Variants in KLHL1 observed in about 807,000 individuals in gnomAD.
The protein encoded by KLHL1 is kelch like family member 1, also known as kelch-like protein 1.
Under a neutral mutation model 77.7 loss-of-function variants are expected in KLHL1, and 47 were observed. The ratio of observed to expected loss-of-function variants is 0.60; its 90% confidence interval spans 0.48 to 0.77. KLHL1 has a LOEUF of 0.77. Ranked by LOEUF, KLHL1 falls within the 30% of genes least tolerant of loss-of-function variation. The pLI, the probability that KLHL1 is intolerant of heterozygous loss-of-function variation, is 0.00. For synonymous variants in KLHL1, 360 were observed against 325.2 expected, an observed-to-expected ratio of 1.11 and a Z score of -1.15; for missense variants, 925 against 910.8, an observed-to-expected ratio of 1.02 and a Z score of -0.20.
intron 1 of KLHL1, among the ~76,000 whole-genome samples, chr13:69,980,585 A>G (rs1314145797): frequency 1.3e-5 from 2 of 152,122 alleles, no homozygotes; most frequent in Non-Finnish European, 2.9e-5. Flanking sequence ...CCTGCACAAC[A>G]CACTGATATT....
chr13:69,787,654 A>G (rs1366178794), intron 7 of KLHL1, among the ~76,000 whole-genome samples: 1 of 152,228 alleles, frequency 6.6e-6, no homozygotes, highest in Non-Finnish European at 1.5e-5. Flanking sequence ...GCCAGAATTG[A>G]CAAATGGGAT....
intron 4 of KLHL1, among the ~76,000 whole-genome samples, chr13:69,924,393 A>AC (rs1454026616): frequency 6.6e-6 from 1 of 150,482 alleles, no homozygotes; most frequent in Non-Finnish European, 1.5e-5. Context: ...AGCCCATAAA[A>AC]CCCCCCAGAC....
At chr13:69,955,891 T>G (rs1883850450) in intron 3 of KLHL1, among the ~76,000 whole-genome samples, 1 of 138,678 alleles carries the variant, frequency 7.2e-6, no homozygotes, top group African/African-American at 2.6e-5. Context: ...ATATATATAT[T>G]TGATATATTT....
chr13:70,043,456 T>C (rs1005769534), intron 1 of KLHL1, among the ~76,000 whole-genome samples: 8 of 152,160 alleles, frequency 5.3e-5, no homozygotes, highest in African/African-American at 1.9e-4. Context: ...ACAGCGTTTA[T>C]ACAGTCTATG....
intron 1 of KLHL1, among the ~76,000 whole-genome samples, chr13:69,998,423 A>G (rs1885209704): frequency 6.6e-6 from 1 of 152,066 alleles, no homozygotes; most frequent in South Asian, 2.1e-4. Flanking sequence ...ATCTCCTAAG[A>G]GAGAATGGGG....
intron 1 of KLHL1, among the ~76,000 whole-genome samples, chr13:69,998,308 T>C (rs1371614437): frequency 1.3e-5 from 2 of 151,972 alleles, no homozygotes; most frequent in African/African-American, 4.8e-5. Flanking sequence ...GATCTATTGA[T>C]TCTCTAGCTA....
intron 5 of KLHL1, among the ~76,000 whole-genome samples, chr13:69,877,251 T>C (rs1262623013): frequency 6.6e-6 from 1 of 152,140 alleles, no homozygotes; most frequent in Non-Finnish European, 1.5e-5. Context: ...AATCTGATAC[T>C]TATGGGTATT....
chr13:69,897,796 C>A (rs1237429534), intron 4 of KLHL1, among the ~76,000 whole-genome samples: 1 of 152,158 alleles, frequency 6.6e-6, no homozygotes, highest in Non-Finnish European at 1.5e-5. Flanking sequence ...GCCCTGCAAG[C>A]CACCCTGTTG....
At chr13:69,850,220 G>A (rs1879631286) in intron 5 of KLHL1, among the ~76,000 whole-genome samples, 1 of 151,378 alleles carries the variant, frequency 6.6e-6, no homozygotes, top group South Asian at 2.1e-4. Context: ...TCTTCTTCCT[G>A]TAATTGACTT....
intron 1 of KLHL1, among the ~76,000 whole-genome samples, chr13:70,055,042 C>T (rs1439437843): frequency 3.3e-5 from 5 of 151,796 alleles, no homozygotes; most frequent in African/African-American, 9.7e-5. Flanking sequence ...TTCCAAACCT[C>T]GAGAAAGATA....
rs761519216 is a variant in KLHL1, at chr13:70,075,569, G to GTGTATATATATATA, written c.497+31633_497+31634insTATATATATATACA. Reference sequence around the variant, plus strand: ...TATATATACCTGTGTGTGTGTATGTGTATATATATATATATATATACACAC... The same window carrying GTGTATATATATATA: ...TATATATACCTGTGTGTGTGTATGTGTGTATATATATATATATATATATATATATATATACACAC... On this transcript the variant is annotated intron_variant, in intron 1 of 10. Transcript: ENST00000377844. 3.9e-3 allele frequency among the ~76,000 whole-genome samples: 412 copies of GTGTATATATATATA among 106,622 alleles called. 4 individuals carry two copies. Among genetic ancestry groups the GTGTATATATATATA allele is most frequent in the African/African-American group, 0.013 (349 of 27,300 alleles). The allele number at this position is 106,622 out of a possible 152,430, so 69.9% of individuals were successfully genotyped here.
At chr13:70,088,868 A>AC (rs1194153834) in intron 1 of KLHL1, among the ~76,000 whole-genome samples, 1 of 152,014 alleles carries the variant, frequency 6.6e-6, no homozygotes, top group Non-Finnish European at 1.5e-5. Context: ...AAAAAAACTT[A>AC]TCAGGGCTAT....
chr13:69,944,311 T>G (rs1883450996), intron 3 of KLHL1, among the ~76,000 whole-genome samples: 1 of 152,216 alleles, frequency 6.6e-6, no homozygotes, highest in East Asian at 1.9e-4. Context: ...TTGTCACAAC[T>G]TATTGAAGGT....
intron 5 of KLHL1, among the ~76,000 whole-genome samples, chr13:69,857,998 C>A (rs1222529897): frequency 6.6e-6 from 1 of 152,004 alleles, no homozygotes; most frequent in African/African-American, 2.4e-5. Context: ...TGAATTTAAA[C>A]AATAACTGGT....
chr13:70,013,868 T>C (rs1885596369), intron 1 of KLHL1, among the ~76,000 whole-genome samples: 1 of 152,146 alleles, frequency 6.6e-6, no homozygotes, highest in Admixed American at 6.5e-5. Flanking sequence ...TATAAAGCAC[T>C]TTCTCGCTAC....
At chr13:69,875,452 A>C (rs954329031) in intron 5 of KLHL1, among the ~76,000 whole-genome samples, 2 of 152,132 alleles carry the variant, frequency 1.3e-5, no homozygotes, top group African/African-American at 4.8e-5. Flanking sequence ...GATGGGATGC[A>C]AAATAGATCC....
intron 7 of KLHL1, among the ~76,000 whole-genome samples, chr13:69,776,918 A>G (rs1484375381): frequency 2.0e-5 from 3 of 152,110 alleles, no homozygotes; most frequent in African/African-American, 7.2e-5. Flanking sequence ...TAATTCAATA[A>G]TAAAAGGTTA....
At chr13:70,043,753 C>A (rs765415069) in intron 1 of KLHL1, among the ~76,000 whole-genome samples, 1 of 152,264 alleles carries the variant, frequency 6.6e-6, no homozygotes, top group South Asian at 2.1e-4. Context: ...GGAGGCTGTA[C>A]CATCTCAGTT....
At chr13:69,803,170 G>A (rs1474231882) in intron 6 of KLHL1, 1 of 152,012 alleles carries the variant, frequency 6.6e-6, no homozygotes, top group Non-Finnish European at 1.5e-5. Context: ...TTTGTGTAGG[G>A]AGTTTTAAAT....
Sources: gnomAD v4.1 joint callset for allele counts (sites outside exome capture counted in the v4.1 genomes callset) on GRCh38, gnomAD v4.1.1 for gene constraint, MANE v1.5 for transcripts, NCBI Gene and HGNC (gene_info 2026-07-23, HGNC 2026-07-21) for gene names.